Variants in STAB2 observed in about 807,000 individuals in gnomAD.
The protein encoded by STAB2 is stabilin 2.
Under a neutral mutation model 338.1 loss-of-function variants are expected in STAB2, and 288 were observed. The ratio of observed to expected loss-of-function variants is 0.85; its 90% CI spans 0.77 to 0.94. The LOEUF (loss-of-function observed/expected upper bound fraction) is 0.94. Ranked by LOEUF, STAB2 falls within the 40% of genes least tolerant of loss-of-function variation. The probability of loss-of-function intolerance (pLI) is 0.00; values close to 1 mark genes in which losing one functional copy is unlikely to be tolerated. For synonymous variants in STAB2, 1,202 were observed against 1,193.3 expected (o/e 1.01, Z -0.15); for missense variants, 3,141 against 3,210.1 (o/e 0.98, Z 0.52).
At chr12:103,757,874 C>T (rs1001282673) in intron 63 of STAB2, 2 of 401,526 alleles carry the variant, frequency 5.0e-6, no homozygotes, top group African/African-American at 4.0e-5. Context: ...TGGGGGGCCA[C>T]TGCAGGATTT....
At chr12:103,765,087 A>C (rs12322682) in intron 68 of STAB2, among the ~76,000 whole-genome samples, 295 of 15,646 alleles carry the variant, frequency 0.019, 1 homozygote, top group African/African-American at 0.027. Context: ...ACTCTGTCTC[A>C]AAAAAAAAAA....
intron 19 of STAB2, among the ~76,000 whole-genome samples, chr12:103,668,167 AGAATG>A (rs1418134032): frequency 2.0e-5 from 3 of 152,238 alleles, no homozygotes; most frequent in African/African-American, 7.2e-5. Context: ...ATTGTTGGTT[AGAATG>A]GAAGGATGCA....
Position 103,655,526 on chromosome 12 carries a change from A to G in STAB2, c.1679A>G (p.Asn560Ser), listed in dbSNP as rs1874114338. The G allele has an allele frequency of 1.2e-6, 2 of 1,614,106 alleles. No homozygotes were observed. The highest frequency in any genetic ancestry group is 4.5e-5 in the East Asian group (2 of 44,868). ...CCATACACCATTTTTGTTCCAAATA[A>G]TGAAGCATTGAATAACATGAAGGAC... ...GGPYTIFVPNNEALNNMKDGT... is the reference protein window; with the variant it reads ...GGPYTIFVPNSEALNNMKDGT... Residue 560 changes from asparagine to serine, a missense_variant, in exon 15 of 69, where the codon AAT (asparagine) becomes AGT (serine). By Grantham distance (46) the Asn-to-Ser change is conservative (BLOSUM62 1). Transcript: ENST00000388887.
chr12:103,654,825 A>C (rs970107374), intron 13 of STAB2, 127 bp downstream of exon 13: 2 of 1,202,960 alleles, frequency 1.7e-6, no homozygotes, highest in African/African-American at 1.5e-5. Flanking sequence ...GAGCAGAGAG[A>C]AGAAGAGGTG....
intron 15 of STAB2, among the ~76,000 whole-genome samples, chr12:103,659,431 A>G (rs1189781744): frequency 6.6e-6 from 1 of 152,098 alleles, no homozygotes; most frequent in African/African-American, 2.4e-5. Flanking sequence ...AGAACATTCA[A>G]CCTCTTGGCA....
rs1484095260 is a variant in STAB2 at position 103,746,652 on chromosome 12, C to T, written c.6192C>T (p.Asn2064=). Residue 2064 remains asparagine (N), a synonymous_variant, in exon 58 of 69, where the codon AAC becomes AAT. Transcript: ENST00000388887. ...CTGCTCATGCCACCTGTAAGGAGAA[C>T]AACACGTGTGAGTGTAACCTGGATT... ...PCSAHATCKE[N]NTCECNLDYE... is the part of the protein sequence containing the mutation. 1.2e-6 allele frequency: 2 copies of T among 1,614,110 alleles called. No individual in the cohort carries two copies. The highest frequency in any genetic ancestry group is 1.3e-5 in the African/African-American group (1 of 75,054).
At chr12:103,661,208 A>G in intron 17 of STAB2, among the ~76,000 whole-genome samples, 1 of 115,866 alleles carries the variant, frequency 8.6e-6, no homozygotes, top group Non-Finnish European at 1.8e-5. Flanking sequence ...AGTAGAAAAG[A>G]GTTCCAGACA....
rs1957461660 is a variant in STAB2, at chr12:103,631,502, G to A, written c.488-96G>A. The A allele has an allele frequency of 4.3e-6, 5 of 1,172,900 alleles. No individual in the cohort carries two copies. The Admixed American group carries it at 9.0e-5, about 21-fold the overall frequency. The allele number at this position is 1,172,900 out of a possible 1,614,324, so 72.7% of individuals were successfully genotyped here. A position where few individuals can be genotyped will look rare whatever the true frequency, so the allele number is the denominator to read the frequency against. The stretch of plus-strand genomic sequence containing the variant: ...GGAGCCAAAGTTCAAACAACATGCA[G>A]AGTCTCAGCAAAGATGATCTAAAAA... On this transcript the variant is annotated intron_variant, in intron 5 of 68. Transcript: ENST00000388887.
chr12:103,661,271 G>A (rs1170238088), intron 17 of STAB2, among the ~76,000 whole-genome samples: 3 of 151,074 alleles, frequency 2.0e-5, no homozygotes, highest in South Asian at 4.2e-4. Context: ...CTGAGGTCAG[G>A]GGAACACAAT....
intron 56 of STAB2, among the ~76,000 whole-genome samples, chr12:103,743,013 A>ATTT: frequency 8.3e-6 from 1 of 120,150 alleles, no homozygotes; most frequent in African/African-American, 3.2e-5. Context: ...AGAGCCAGCA[A>ATTT]TTTTTTTTTC....
Position 103,737,669 on chromosome 12 carries a change from T to G in STAB2, c.5586T>G (p.Ile1862Met). ...DLFLNGQTCRIVQRELLFDLG... is the reference protein window; with the variant it reads ...DLFLNGQTCRMVQRELLFDLG... ...TTCTGAATGGCCAAACCTGCAGAATTGTGCAGCGGGAGCTCTTGTTTGACC... is the reference window on the plus strand; with the variant it reads ...TTCTGAATGGCCAAACCTGCAGAATGGTGCAGCGGGAGCTCTTGTTTGACC... Residue 1862 changes from isoleucine to methionine, a missense_variant, in exon 53 of 69, where the codon ATT becomes ATG. Coordinates refer to ENST00000388887, the MANE Select transcript of STAB2 (RefSeq NM_017564.10). 6.2e-7 allele frequency: 1 copy of G among 1,612,490 alleles called. No individual in the cohort carries two copies. Among genetic ancestry groups the G allele is most frequent in the Non-Finnish European group, 8.5e-7 (1 of 1,179,486 alleles).
intron 68 of STAB2, among the ~76,000 whole-genome samples, chr12:103,764,752 A>C (rs985430659): frequency 1.3e-5 from 2 of 152,136 alleles, no homozygotes; most frequent in African/African-American, 4.8e-5. Context: ...ACCAGATTGC[A>C]AATCATATTT....
At chr12:103,622,197 T>G in intron 5 of STAB2, 86 bp downstream of exon 5, 1 of 1,352,910 alleles carries the variant, frequency 7.4e-7, no homozygotes, top group South Asian at 1.3e-5. Context: ...AAACACTGAA[T>G]AGTTATGTGT....
intron 51 of STAB2, among the ~76,000 whole-genome samples, chr12:103,733,551 A>T (rs189561844): frequency 2.0e-4 from 30 of 152,266 alleles, no homozygotes; most frequent in Non-Finnish European, 1.8e-4. Flanking sequence ...TCCAATTCCA[A>T]AATTTCTAGG....
At chr12:103,730,408 G>A in intron 49 of STAB2, 152 bp downstream of exon 49, 1 of 930,758 alleles carries the variant, frequency 1.1e-6, no homozygotes, top group Non-Finnish European at 1.6e-6. Flanking sequence ...TTCTTAGTAA[G>A]AAATAAATAA....
At chr12:103,711,572 T>G in intron 40 of STAB2, 56 bp downstream of exon 40, 19 of 1,590,150 alleles carry the variant, frequency 1.2e-5, no homozygotes, top group Non-Finnish European at 1.6e-5. Flanking sequence ...TTTCCCAATA[T>G]TGTCTACCCT....
intron 31 of STAB2, among the ~76,000 whole-genome samples, chr12:103,693,617 G>A (rs557135527): frequency 9.9e-5 from 15 of 152,086 alleles, no homozygotes; most frequent in African/African-American, 3.6e-4. Flanking sequence ...AAGGAAAAAA[G>A]TGGAAAAGAA....
At chr12:103,596,119 T>G (rs1011874332) in intron 3 of STAB2, among the ~76,000 whole-genome samples, 1 of 152,218 alleles carries the variant, frequency 6.6e-6, no homozygotes, top group Non-Finnish European at 1.5e-5. Flanking sequence ...TCAGTGTCTT[T>G]TAAAGCAATT....
intron 35 of STAB2, 124 bp from the exon 36 acceptor site, chr12:103,704,434 A>T: frequency 2.3e-6 from 2 of 857,454 alleles, no homozygotes; most frequent in Non-Finnish European, 3.6e-6. Flanking sequence ...TCAGAACATT[A>T]AAGAGGCTGC....
Sources: gnomAD v4.1 joint callset for allele counts (sites outside exome capture counted in the v4.1 genomes callset) on GRCh38, gnomAD v4.1.1 for gene constraint, MANE v1.5 for transcripts, NCBI Gene and HGNC (gene_info 2026-07-23, HGNC 2026-07-21) for gene names.